FBXO11: variants seen among roughly 807,000 people sequenced by gnomAD.
FBXO11 encodes the protein F-box protein 11.
Under a neutral mutation model 117.0 loss-of-function variants are expected in FBXO11, and 13 were observed. The ratio of observed to expected loss-of-function variants is 0.11; its 90% CI spans 0.07 to 0.18. The LOEUF is 0.18. Ranked by LOEUF, FBXO11 falls within the 10% of genes least tolerant of loss-of-function variation. The probability of loss-of-function intolerance (pLI) is 1.00; values close to 1 mark genes in which losing one functional copy is unlikely to be tolerated. For synonymous variants in FBXO11, 490 were observed against 380.5 expected (o/e 1.29, Z -3.35); for missense variants, 767 against 1,164.4 (o/e 0.66, Z 4.97).
intron 1 of FBXO11, among the ~76,000 whole-genome samples, chr2:47,859,163 C>T (rs1343570049): frequency 1.3e-5 from 2 of 151,696 alleles, no homozygotes; most frequent in African/African-American, 4.8e-5. Context: ...ATGAGCAATA[C>T]AGGTAATTTA....
At chr2:47,886,979 C>A (rs1298520706) in intron 1 of FBXO11, among the ~76,000 whole-genome samples, 1 of 152,074 alleles carries the variant, frequency 6.6e-6, no homozygotes, top group Non-Finnish European at 1.5e-5. Flanking sequence ...AGCCATTACA[C>A]TCTAGTCTGG....
intron 1 of FBXO11, among the ~76,000 whole-genome samples, chr2:47,886,942 G>T (rs1165099761): frequency 6.6e-6 from 1 of 152,194 alleles, no homozygotes; most frequent in East Asian, 1.9e-4. Context: ...GAGAGGCAGA[G>T]GTTGAGGCTA....
intron 16 of FBXO11, among the ~76,000 whole-genome samples, chr2:47,817,356 C>CA (rs547626106): frequency 2.0e-5 from 3 of 152,346 alleles, no homozygotes; most frequent in Admixed American, 2.0e-4. Flanking sequence ...ATCACTAAAA[C>CA]ATTCTCCATA....
intron 22 of FBXO11, 38 bp from the exon 23 acceptor site, chr2:47,808,285 G>C: frequency 1.2e-6 from 2 of 1,612,466 alleles, no homozygotes; most frequent in South Asian, 2.2e-5. Context: ...GAAAAGTGAG[G>C]GGGAAAGTAA....
In FBXO11 at chr2:47,819,489, C is replaced by T. The variant is rs553845029; in HGVS notation, c.1798-411G>A. Among the ~76,000 whole-genome samples, 3 of 152,330 alleles carry T rather than the reference C, an allele frequency of 2.0e-5. No individual in the cohort carries two copies. The East Asian group carries it at 5.8e-4, about 29-fold the overall frequency. ...TTGGCCTCCCAAAGTGCTGGGATTA[C>T]AGGTGTGAGCCACCGCGCCCGGCCA... On this transcript the variant is annotated intron_variant, in intron 14 of 22. Coordinates refer to ENST00000403359, the MANE Select transcript of FBXO11 (RefSeq NM_001190274.2).
At chr2:47,831,570 T>TCTC (rs1295752608) in intron 11 of FBXO11, among the ~76,000 whole-genome samples, 1 of 151,640 alleles carries the variant, frequency 6.6e-6, no homozygotes, top group East Asian at 1.9e-4. Flanking sequence ...GTGGTGACCC[T>TCTC]CTCTCCCATC....
At chr2:47,835,550 G>C (rs2104829384) in intron 5 of FBXO11, among the ~76,000 whole-genome samples, 1 of 152,098 alleles carries the variant, frequency 6.6e-6, no homozygotes, top group East Asian at 1.9e-4. Flanking sequence ...CCAGGCTGGA[G>C]TGCAGCAGTG....
chr2:47,861,806 T>A (rs1674798607), intron 1 of FBXO11, among the ~76,000 whole-genome samples: 1 of 152,272 alleles, frequency 6.6e-6, no homozygotes, highest in South Asian at 2.1e-4. Flanking sequence ...CCTAGGTCCT[T>A]AAGGAGAACT....
rs540319452 is a variant in FBXO11 at position 47,905,751 on chromosome 2, G to C, written c.-31C>G. ...GGGCTGAGGTGGCGGCGTTGGCGGA[G>C]GGACACACACACGCACACGCACAGC... On this transcript the variant is annotated 5_prime_UTR_variant, in exon 1 of 23. Coordinates refer to ENST00000403359, the MANE Select transcript of FBXO11 (RefSeq NM_001190274.2). 1 of 1,507,838 alleles carries C rather than the reference G, an allele frequency of 6.6e-7. No homozygotes were observed. Among genetic ancestry groups the C allele is most frequent in the African/African-American group, 1.4e-5 (1 of 69,352 alleles). The allele number at this position is 1,507,838 out of a possible 1,614,324, so 93.4% of individuals were successfully genotyped here. A position where few individuals can be genotyped will look rare whatever the true frequency, so the allele number is the denominator to read the frequency against.
intron 18 of FBXO11, chr2:47,810,834 A>G (rs765821605): frequency 1.9e-5 from 3 of 154,490 alleles, no homozygotes; most frequent in Non-Finnish European, 2.9e-5. Flanking sequence ...CCTTATTACT[A>G]TAATCATTTC....
rs540152009 is a variant in FBXO11, at chr2:47,821,750, A to T, written c.1702+468T>A. On this transcript the variant is annotated intron_variant, in intron 13 of 22. Transcript: ENST00000403359. ...CTGTGAGGTGAGATTGTGTCACTGC[A>T]CTCCAGCCTAGGCAACAGAGTGAGA... is the stretch of plus-strand genomic sequence containing the variant. Among the ~76,000 whole-genome samples the T allele has an allele frequency of 3.5e-3, 532 of 152,138 alleles. 3 individuals carry two copies. The highest frequency in any genetic ancestry group is 0.01 in the Middle Eastern group (3 of 294).
chr2:47,826,183 C>T (rs1016802995), intron 11 of FBXO11, among the ~76,000 whole-genome samples: 3 of 151,846 alleles, frequency 2.0e-5, no homozygotes, highest in Non-Finnish European at 4.4e-5. Context: ...CTTAGCCTCC[C>T]GAGTAGCTGG....
At chr2:47,809,759 A>G (rs1196435297) in intron 19 of FBXO11, 52 bp from the exon 20 acceptor site, 4 of 1,210,344 alleles carry the variant, frequency 3.3e-6, no homozygotes, top group Non-Finnish European at 3.6e-6. Flanking sequence ...CTGCTTCTTA[A>G]AAACCTGAAA....
At chr2:47,839,791 A>G in intron 1 of FBXO11, 22 bp from the exon 2 acceptor site, 2 of 1,591,300 alleles carry the variant, frequency 1.3e-6, no homozygotes, top group Non-Finnish European at 8.5e-7. Context: ...AAAAGCAATA[A>G]GAAAAATTAT....
chr2:47,900,048 G>C (rs1303342948), intron 1 of FBXO11, among the ~76,000 whole-genome samples: 2 of 152,056 alleles, frequency 1.3e-5, no homozygotes, highest in African/African-American at 2.4e-5. Flanking sequence ...TCTCCAAGCT[G>C]GTTGGCCTTC....
At chr2:47,852,186 C>T (rs1373710973) in intron 1 of FBXO11, among the ~76,000 whole-genome samples, 3 of 152,020 alleles carry the variant, frequency 2.0e-5, no homozygotes, top group Non-Finnish European at 2.9e-5. Context: ...GACGGGGTTT[C>T]GCCATGTTGG....
chr2:47,858,317 C>G (rs1175736935), intron 1 of FBXO11, among the ~76,000 whole-genome samples: 3 of 151,706 alleles, frequency 2.0e-5, no homozygotes, highest in African/African-American at 7.3e-5. Flanking sequence ...GCCCACTTAT[C>G]CAAGTTTTCA....
chr2:47,889,308 G>A (rs1310997839), intron 1 of FBXO11, among the ~76,000 whole-genome samples: 1 of 152,122 alleles, frequency 6.6e-6, no homozygotes, highest in Non-Finnish European at 1.5e-5. Context: ...GAACCATGTA[G>A]ACTATTCCCT....
intron 1 of FBXO11, among the ~76,000 whole-genome samples, chr2:47,867,628 T>G (rs373847466): frequency 1.1e-4 from 16 of 152,334 alleles, no homozygotes; most frequent in African/African-American, 3.8e-4. Flanking sequence ...CTAATGGCCA[T>G]TTGATCACTT....
Sources: gnomAD v4.1 joint callset for allele counts (sites outside exome capture counted in the v4.1 genomes callset) on GRCh38, gnomAD v4.1.1 for gene constraint, MANE v1.5 for transcripts, NCBI Gene and HGNC (gene_info 2026-07-23, HGNC 2026-07-21) for gene names.